ZNF385D: variants seen among roughly 807,000 people sequenced by gnomAD.
ZNF385D encodes the protein zinc finger protein 659.
A neutral mutation model predicts 35.8 loss-of-function variants in ZNF385D; 15 were observed. The ratio of observed to expected loss-of-function variants is 0.42; its 90% CI spans 0.28 to 0.64. The LOEUF is 0.64. Among genes scored for constraint, ZNF385D ranks in the 30% least tolerant of loss-of-function variants. The probability of loss-of-function intolerance (pLI) is 0.23; values close to 1 mark genes in which losing one functional copy is unlikely to be tolerated. For missense variants in ZNF385D, 474 were observed against 494.6 expected, an observed-to-expected ratio of 0.96 and a Z score of 0.39; for synonymous variants, 212 against 186.8, an observed-to-expected ratio of 1.13 and a Z score of -1.10.
intron 2 of ZNF385D, among the ~76,000 whole-genome samples, chr3:22,241,252 G>A (rs1239216232): frequency 6.6e-6 from 1 of 151,224 alleles, no homozygotes; most frequent in Non-Finnish European, 1.5e-5. Flanking sequence ...AGAAAGCTGA[G>A]TATGGTGAGG....
intron 3 of ZNF385D, among the ~76,000 whole-genome samples, chr3:22,004,339 CAT>C (rs1397922413): frequency 6.6e-6 from 1 of 151,738 alleles, no homozygotes; most frequent in African/African-American, 2.4e-5. Flanking sequence ...AGAAAGAAAA[CAT>C]AGGGGAAATG....
intron 1 of ZNF385D, among the ~76,000 whole-genome samples, chr3:21,705,442 T>A (rs540502180): frequency 6.6e-6 from 1 of 152,302 alleles, no homozygotes; most frequent in South Asian, 2.1e-4. Context: ...AAACTGCAAA[T>A]TAGAAACAAC....
At chr3:21,501,024 G>A (rs974098898) in intron 4 of ZNF385D, among the ~76,000 whole-genome samples, 1 of 152,032 alleles carries the variant, frequency 6.6e-6, no homozygotes, top group Non-Finnish European at 1.5e-5. Flanking sequence ...ACTGCACCCC[G>A]CATTTGCATT....
chr3:21,864,800 T>G (rs1482990033), intron 3 of ZNF385D, among the ~76,000 whole-genome samples: 1 of 152,068 alleles, frequency 6.6e-6, no homozygotes, highest in Non-Finnish European at 1.5e-5. Context: ...AGGTTTACTA[T>G]TCAAGCCTAA....
At chr3:21,886,215 C>T (rs549964091) in intron 3 of ZNF385D, among the ~76,000 whole-genome samples, 2 of 152,134 alleles carry the variant, frequency 1.3e-5, no homozygotes, top group African/African-American at 4.8e-5. Flanking sequence ...CTATTTCATC[C>T]AGACTGTTTA....
At chr3:22,150,875 G>C (rs1053202457) in intron 3 of ZNF385D, among the ~76,000 whole-genome samples, 1 of 152,064 alleles carries the variant, frequency 6.6e-6, no homozygotes, top group African/African-American at 2.4e-5. Context: ...GATTATTTAA[G>C]GGAACATCGA....
At chr3:21,873,298 G>A (rs957734252) in intron 3 of ZNF385D, among the ~76,000 whole-genome samples, 2 of 152,046 alleles carry the variant, frequency 1.3e-5, no homozygotes, top group Non-Finnish European at 2.9e-5. Context: ...GTGACCACAT[G>A]GGCGGTATAT....
intron 2 of ZNF385D, among the ~76,000 whole-genome samples, chr3:22,181,697 C>CAAA (rs71620745): frequency 0.014 from 1,191 of 83,672 alleles, 14 homozygotes; most frequent in African/African-American, 0.042. Context: ...GACTCCGTCT[C>CAAA]AAAAAAAAAA....
intron 3 of ZNF385D, among the ~76,000 whole-genome samples, chr3:21,920,226 C>T (rs35338441): frequency 0.54 from 81,352 of 151,976 alleles, 23,833 homozygotes; most frequent in South Asian, 0.66. Flanking sequence ...ACTCTGTCTC[C>T]ACAGATTTTA....
At chr3:21,763,986 A>G (rs2070726037) in intron 3 of ZNF385D, among the ~76,000 whole-genome samples, 1 of 152,186 alleles carries the variant, frequency 6.6e-6, no homozygotes, top group African/African-American at 2.4e-5. Flanking sequence ...CAGTTTCCCA[A>G]AGAATGAGAT....
At chr3:22,181,391 C>T (rs897956243) in intron 2 of ZNF385D, among the ~76,000 whole-genome samples, 3 of 152,078 alleles carry the variant, frequency 2.0e-5, no homozygotes, top group Admixed American at 2.0e-4. Context: ...TAACTAGCTT[C>T]TACCAATAGA....
intron 2 of ZNF385D, among the ~76,000 whole-genome samples, chr3:22,249,522 T>TA (rs1242667194): frequency 6.6e-6 from 1 of 152,208 alleles, no homozygotes; most frequent in Non-Finnish European, 1.5e-5. Flanking sequence ...GACACTATTT[T>TA]AAAAAACTTA....
chr3:22,202,864 A>G (rs1696894808), intron 2 of ZNF385D, among the ~76,000 whole-genome samples: 1 of 152,126 alleles, frequency 6.6e-6, no homozygotes, highest in Admixed American at 6.6e-5. Context: ...ACAGAGGGGA[A>G]TCACCCATTC....
intron 2 of ZNF385D, among the ~76,000 whole-genome samples, chr3:21,571,618 C>T (rs1395258730): frequency 6.6e-6 from 1 of 151,614 alleles, no homozygotes; most frequent in East Asian, 1.9e-4. Flanking sequence ...AGGGCATAGT[C>T]CCCAACAAGA....
chr3:22,193,145 CCTT>C (rs1696172871), intron 2 of ZNF385D, among the ~76,000 whole-genome samples: 1 of 152,092 alleles, frequency 6.6e-6, no homozygotes, highest in Non-Finnish European at 1.5e-5. Flanking sequence ...ATTAATAATT[CCTT>C]CTTATGAATA....
At chr3:21,862,245 C>G (rs1697092126) in intron 3 of ZNF385D, among the ~76,000 whole-genome samples, 1 of 151,086 alleles carries the variant, frequency 6.6e-6, no homozygotes, top group African/African-American at 2.4e-5. Context: ...AGCCCTACTA[C>G]AGAAGCATCA....
rs114932636 is a variant in ZNF385D at position 21,786,457 on chromosome 3, G to A, written c.326-121429C>T. On this transcript the variant is annotated intron_variant, in intron 3 of 5. Coordinates refer to the ZNF385D transcript ENST00000494108. ...TAAACATACACAATTCACAGCAAAT[G>A]GGATATAGTGCCTCCAGAAAGAATT... 9.3e-3 allele frequency among the ~76,000 whole-genome samples: 1,423 copies of A among 152,206 alleles called. 8 individuals are homozygous for A. The highest frequency in any genetic ancestry group is 0.016 in the Non-Finnish European group (1,076 of 68,010).
intron 2 of ZNF385D, among the ~76,000 whole-genome samples, chr3:22,293,085 C>G (rs999703861): frequency 3.3e-5 from 5 of 152,114 alleles, no homozygotes; most frequent in Non-Finnish European, 4.4e-5. Flanking sequence ...CTGAACATTA[C>G]TGTCTTATAT....
chr3:21,749,322 A>G (rs1323848201), intron 1 of ZNF385D, among the ~76,000 whole-genome samples: 1 of 152,194 alleles, frequency 6.6e-6, no homozygotes, highest in African/African-American at 2.4e-5. Context: ...TCCAGCATGG[A>G]TGGCCTTTGA....
Sources: gnomAD v4.1 joint callset for allele counts (sites outside exome capture counted in the v4.1 genomes callset) on GRCh38, gnomAD v4.1.1 for gene constraint, MANE v1.5 for transcripts, NCBI Gene and HGNC (gene_info 2026-07-23, HGNC 2026-07-21) for gene names.